STK3: variants seen among roughly 807,000 people sequenced by gnomAD.
STK3 encodes the protein serine/threonine-protein kinase 3.
Under a neutral mutation model 58.0 loss-of-function variants are expected in STK3, and 41 were observed. The observed-to-expected ratio is 0.71, with a 90% CI of 0.55 to 0.92. STK3 has a LOEUF of 0.92. STK3 is among the 40% of genes least tolerant of loss of function. The probability of loss-of-function intolerance (pLI) is 0.00; values close to 1 mark genes in which losing one functional copy is unlikely to be tolerated. For synonymous variants in STK3, 170 were observed against 191.0 expected (o/e 0.89, Z 0.91); for missense variants, 479 against 602.7 (o/e 0.79, Z 2.15).
At chr8:98,606,916 G>A (rs1816820340) in intron 6 of STK3, among the ~76,000 whole-genome samples, 1 of 152,228 alleles carries the variant, frequency 6.6e-6, no homozygotes, top group Admixed American at 6.5e-5. Context: ...ACTGCTGAAT[G>A]TATAACCATT....
intron 3 of STK3, among the ~76,000 whole-genome samples, chr8:98,433,952 A>T (rs1206757882): frequency 6.6e-6 from 1 of 152,236 alleles, no homozygotes; most frequent in Admixed American, 6.5e-5. Flanking sequence ...ATCATTAGGC[A>T]GAGGAAAATC....
At chr8:98,411,404 C>A (rs1818055714) in intron 3 of STK3, among the ~76,000 whole-genome samples, 1 of 152,200 alleles carries the variant, frequency 6.6e-6, no homozygotes, top group Non-Finnish European at 1.5e-5. Context: ...CACTTAAGGC[C>A]AATAGGCCCC....
chr8:98,700,453 T>G (rs904092242), intron 6 of STK3, among the ~76,000 whole-genome samples: 6 of 152,230 alleles, frequency 3.9e-5, no homozygotes, highest in South Asian at 2.1e-4. Context: ...ACCCGTCTTC[T>G]GCGTCGCTCA....
intron 8 of STK3, among the ~76,000 whole-genome samples, chr8:98,576,924 C>A (rs1444166905): frequency 6.6e-6 from 1 of 152,038 alleles, no homozygotes; most frequent in Non-Finnish European, 1.5e-5. Flanking sequence ...TCTTATTGTC[C>A]CCGTCCTGGC....
intron 8 of STK3, among the ~76,000 whole-genome samples, chr8:98,568,250 A>G (rs1350982314): frequency 3.3e-5 from 5 of 152,246 alleles, no homozygotes; most frequent in Non-Finnish European, 5.9e-5. Flanking sequence ...CAAAACTACA[A>G]TAAAGCCACA....
intron 3 of STK3, among the ~76,000 whole-genome samples, chr8:98,407,724 G>A (rs1198425231): frequency 1.1e-5 from 1 of 87,752 alleles, no homozygotes; most frequent in Non-Finnish European, 2.8e-5. Context: ...ATGTGTGTGT[G>A]TGTGTGTGTG....
At chr8:98,598,726 A>G (rs1355889345) in intron 6 of STK3, 1 of 985,422 alleles carries the variant, frequency 1.0e-6, no homozygotes. Context: ...CATTACAGCC[A>G]TATAATTTAT....
chr8:98,740,093 G>A (rs1319623493), intron 4 of STK3, among the ~76,000 whole-genome samples: 1 of 152,208 alleles, frequency 6.6e-6, no homozygotes, highest in Non-Finnish European at 1.5e-5. Context: ...ATGGGACTAT[G>A]TGAAAAGACC....
intron 10 of STK3, among the ~76,000 whole-genome samples, chr8:98,481,460 A>C (rs950956242): frequency 1.3e-5 from 2 of 152,202 alleles, no homozygotes; most frequent in Non-Finnish European, 2.9e-5. Context: ...ATGGAACTGG[A>C]GGCCATTATC....
At chr8:98,480,157 C>T (rs1821732846) in intron 10 of STK3, among the ~76,000 whole-genome samples, 1 of 152,072 alleles carries the variant, frequency 6.6e-6, no homozygotes, top group Admixed American at 6.5e-5. Flanking sequence ...TAGCTAAAAA[C>T]AGTCCTAAAT....
At chr8:98,417,621 G>T (rs1414341723) in intron 3 of STK3, among the ~76,000 whole-genome samples, 1 of 152,112 alleles carries the variant, frequency 6.6e-6, no homozygotes, top group Non-Finnish European at 1.5e-5. Flanking sequence ...TGTGAACACG[G>T]TACTCAACCT....
At chr8:98,381,901 A>T (rs1347556223) in intron 1 of STK3, among the ~76,000 whole-genome samples, 1 of 152,142 alleles carries the variant, frequency 6.6e-6, no homozygotes, top group African/African-American at 2.4e-5. Flanking sequence ...TCAAAGTTTG[A>T]TATTTTGTAC....
At chr8:98,840,639 ACGTTT>A (rs1329816391) in intron 3 of STK3, among the ~76,000 whole-genome samples, 42 of 137,786 alleles carry the variant, frequency 3.0e-4, no homozygotes, top group Non-Finnish European at 5.5e-4. Context: ...ACACACACAT[ACGTTT>A]TATATATATT....
At chr8:98,490,555 C>A (rs1367564476) in intron 10 of STK3, among the ~76,000 whole-genome samples, 1 of 152,154 alleles carries the variant, frequency 6.6e-6, no homozygotes, top group Admixed American at 6.6e-5. Flanking sequence ...GTCCCAACCC[C>A]CAATCCCTAA....
intron 6 of STK3, among the ~76,000 whole-genome samples, chr8:98,666,695 G>C (rs1455796569): frequency 6.6e-6 from 1 of 152,090 alleles, no homozygotes; most frequent in Non-Finnish European, 1.5e-5. Flanking sequence ...GTCTGGCTCA[G>C]TTTGCCTATT....
downstream of STK3, among the ~76,000 whole-genome samples, chr8:98,368,370 C>T (rs562907501): frequency 9.2e-5 from 14 of 152,156 alleles, no homozygotes; most frequent in South Asian, 4.2e-4. Context: ...GATCCTGGGC[C>T]CCCATAACAT....
chr8:98,799,128 C>T (rs1299163803), intron 1 of STK3, among the ~76,000 whole-genome samples: 1 of 152,178 alleles, frequency 6.6e-6, no homozygotes, highest in Non-Finnish European at 1.5e-5. Flanking sequence ...AGACATCTAT[C>T]ATTTGACTAT....
chr8:98,540,355 T>G (rs1305633581), intron 9 of STK3, among the ~76,000 whole-genome samples: 2 of 152,226 alleles, frequency 1.3e-5, no homozygotes, highest in Non-Finnish European at 2.9e-5. Flanking sequence ...CCAGCATCTC[T>G]GAAGAGCGAC....
chr8:98,751,855 A>G (rs1278670292), intron 3 of STK3, among the ~76,000 whole-genome samples: 1 of 152,040 alleles, frequency 6.6e-6, no homozygotes, highest in East Asian at 1.9e-4. Context: ...CAGGAAAATC[A>G]CTTGAACTCA....
Sources: gnomAD v4.1 joint callset for allele counts (sites outside exome capture counted in the v4.1 genomes callset) on GRCh38, gnomAD v4.1.1 for gene constraint, MANE v1.5 for transcripts, NCBI Gene and HGNC (gene_info 2026-07-23, HGNC 2026-07-21) for gene names.